The following MAN2B2 variants were observed in gnomAD, a reference collection of about 807,000 sequenced individuals.
The protein encoded by MAN2B2 is epididymis-specific alpha-mannosidase.
Under a neutral mutation model 117.1 loss-of-function variants are expected in MAN2B2, and 106 were observed. That is an observed-to-expected ratio of 0.90 (90% CI 0.77 to 1.06). MAN2B2 has a LOEUF of 1.06. Ranked by LOEUF, MAN2B2 falls within the 50% of genes least tolerant of loss-of-function variation. The probability of loss-of-function intolerance (pLI) is 0.00; values close to 1 mark genes in which losing one functional copy is unlikely to be tolerated. For synonymous variants in MAN2B2, 544 were observed against 595.1 expected, an observed-to-expected ratio of 0.91 and a Z score of 1.25; for missense variants, 1,326 against 1,381.4, an observed-to-expected ratio of 0.96 and a Z score of 0.64.
At position 6,594,669 on chromosome 4, in the gene MAN2B2, C is replaced by T. The variant is rs1727002262; in HGVS notation, c.994C>T (p.Leu332=). 1.2e-6 allele frequency: 2 copies of T among 1,613,414 alleles called. No homozygotes were observed. The highest frequency in any genetic ancestry group is 2.7e-5 in the African/African-American group (2 of 75,058). The change falls in exon 7 of 19, where the codon CTG becomes TTG. Residue 332 remains leucine (L), a synonymous_variant. Transcript: ENST00000285599. ...YATLGDYFRA[L]HALNVTWRVR... is the part of the protein sequence containing the mutation. ...CACGCTGGGCGACTACTTCCGTGCC[C>T]TGCACGCTCTCAATGTCACCTGGCG...
chr4:6,603,078 G>A (rs191449575), intron 10 of MAN2B2, among the ~76,000 whole-genome samples: 1 of 152,064 alleles, frequency 6.6e-6, no homozygotes, highest in Non-Finnish European at 1.5e-5. Context: ...GGGAATATTT[G>A]TGATCTAATA....
At chr4:6,601,502 A>G (rs1421020096) in intron 10 of MAN2B2, among the ~76,000 whole-genome samples, 1 of 147,256 alleles carries the variant, frequency 6.8e-6, no homozygotes, top group African/African-American at 2.5e-5. Context: ...CTCCATCTCA[A>G]AAAAAAAAAA....
intron 3 of MAN2B2, among the ~76,000 whole-genome samples, chr4:6,580,894 C>T (rs1374100438): frequency 1.3e-5 from 2 of 152,176 alleles, no homozygotes; most frequent in African/African-American, 4.8e-5. Context: ...GACCTGGCAA[C>T]TGGAAGCCTC....
At chr4:6,616,682 G>A (rs1711889766) in intron 16 of MAN2B2, among the ~76,000 whole-genome samples, 1 of 152,194 alleles carries the variant, frequency 6.6e-6, no homozygotes, top group Non-Finnish European at 1.5e-5. Flanking sequence ...GGGTAGGAGA[G>A]ACTGGAGTAT....
chr4:6,592,966 G>T (rs920927444), intron 5 of MAN2B2, among the ~76,000 whole-genome samples: 1 of 152,228 alleles, frequency 6.6e-6, no homozygotes, highest in African/African-American at 2.4e-5. Context: ...GGGGTCCTGA[G>T]ACCCGGGGTC....
chr4:6,616,777 G>A (rs779079582), intron 16 of MAN2B2, among the ~76,000 whole-genome samples: 8 of 152,104 alleles, frequency 5.3e-5, no homozygotes, highest in Non-Finnish European at 4.4e-5. Context: ...CCTTACAGTC[G>A]GCCAGACCTG....
intron 4 of MAN2B2, 90 bp from the exon 5 acceptor site, chr4:6,588,955 C>T (rs1166218238): frequency 2.3e-6 from 2 of 881,452 alleles, no homozygotes; most frequent in African/African-American, 1.6e-5. Flanking sequence ...AAGGTGAGGG[C>T]AGGCGGGAGA....
chr4:6,621,237 C>T lies in MAN2B2; in HGVS notation c.2982C>T (p.Val994=), dbSNP rs774426537. The change falls in exon 19 of 19, where the codon GTC becomes GTT. Residue 994 remains valine (V), a synonymous_variant. Transcript: ENST00000285599. ...CACCAGGAGGCCCCATCATCACCGTCCACCCAAAGGAAATCCGGACGTTCT... is the reference window on the plus strand; with the variant it reads ...CACCAGGAGGCCCCATCATCACCGTTCACCCAAAGGAAATCCGGACGTTCT... ...SRPPGGPIIT[V]HPKEIRTFFI... The T allele has an allele frequency of 6.2e-7, 1 of 1,614,140 alleles. No individual in the cohort carries two copies. Among genetic ancestry groups the T allele is most frequent in the Non-Finnish European group, 8.5e-7 (1 of 1,180,004 alleles).
chr4:6,589,616 G>A (rs886318680), intron 5 of MAN2B2, among the ~76,000 whole-genome samples: 1 of 152,154 alleles, frequency 6.6e-6, no homozygotes, highest in Non-Finnish European at 1.5e-5. Context: ...AGAGTGGGTG[G>A]GGTTATCAAC....
In MAN2B2 at chr4:6,621,585, G is replaced by C. The variant is rs566366875; in HGVS notation, c.*300G>C. 5 of 285,554 alleles carry C rather than the reference G, an allele frequency of 1.8e-5. No homozygotes were observed. Among genetic ancestry groups the C allele is most frequent in the African/African-American group, 1.1e-4 (5 of 45,826 alleles). 17.7% of individuals were successfully genotyped at this position (285,554 alleles called of 1,614,324 possible). The stretch of plus-strand genomic sequence containing the variant: ...ATTCATTCACAAAACACAAACCCAG[G>C]ACTTTCTGCCTAAGGCAGAGCACAA... On this transcript the variant is annotated 3_prime_UTR_variant, in exon 19 of 19. Coordinates refer to ENST00000285599, the MANE Select transcript of MAN2B2 (RefSeq NM_015274.3).
chr4:6,621,462 A>G lies in MAN2B2; in HGVS notation c.*177A>G. On this transcript the variant is annotated 3_prime_UTR_variant, in exon 19 of 19. Transcript: ENST00000285599. The stretch of plus-strand genomic sequence containing the variant: ...TTTTTCCCTAATTTTTTTAAACAAA[A>G]ATTACATTACAAGATCCAGGTTCTT... 1.8e-6 allele frequency: 1 copy of G among 570,098 alleles called. No homozygotes were observed. Among genetic ancestry groups the G allele is most frequent in the Non-Finnish European group, 3.1e-6 (1 of 322,424 alleles). The allele number at this position is 570,098 out of a possible 1,614,324, so 35.3% of individuals were successfully genotyped here. A position where few individuals can be genotyped will look rare whatever the true frequency, so the allele number is the denominator to read the frequency against.
rs1712192447 is a variant in MAN2B2, at chr4:6,621,869, G to C, written c.*584G>C. 6.6e-6 allele frequency: 1 copy of C among 152,554 alleles called. No homozygotes were observed. The highest frequency in any genetic ancestry group is 1.5e-5 in the Non-Finnish European group (1 of 68,282). 9.5% of individuals were successfully genotyped at this position (152,554 alleles called of 1,614,324 possible). On this transcript the variant is annotated 3_prime_UTR_variant, in exon 19 of 19. Coordinates refer to ENST00000285599, the MANE Select transcript of MAN2B2 (RefSeq NM_015274.3). ...CAGAGAAGGCACAGCAGCCGTCAGA[G>C]TCCATGAGAGGTGAAACCACACAGC... is the stretch of plus-strand genomic sequence containing the variant.
At chr4:6,608,943 G>A (rs1293475401) in intron 11 of MAN2B2, among the ~76,000 whole-genome samples, 164 bp from the exon 12 acceptor site, 1 of 152,178 alleles carries the variant, frequency 6.6e-6, no homozygotes, top group Non-Finnish European at 1.5e-5. Flanking sequence ...AGGCCACACT[G>A]GCTGTGGGTG....
chr4:6,590,476 C>T (rs963270934), intron 5 of MAN2B2, among the ~76,000 whole-genome samples: 21 of 152,194 alleles, frequency 1.4e-4, no homozygotes, highest in African/African-American at 4.3e-4. Context: ...CTTCTGCTCT[C>T]GCCTCGCCTG....
At chr4:6,611,338 C>G in intron 15 of MAN2B2, 60 bp downstream of exon 15, 1 of 1,508,874 alleles carries the variant, frequency 6.6e-7, no homozygotes, top group East Asian at 2.3e-5. Flanking sequence ...CAGGCCAGGG[C>G]GGGCCTTGGG....
rs943360225 is a variant in MAN2B2 at position 6,581,653 on chromosome 4, G to A, written c.391+3155G>A. Among the ~76,000 whole-genome samples the A allele has an allele frequency of 6.6e-5, 10 of 151,554 alleles. No individual in the cohort carries two copies. In the East Asian group the frequency reaches 1.8e-3, roughly 27 times the overall value. ...CTCACCTTGGTGGAGCCCCTGCCTC[G>A]AGGCAGGCCCTGGACAGCAAAGGAA... On this transcript the variant is annotated intron_variant, in intron 3 of 18. Coordinates refer to ENST00000285599, the MANE Select transcript of MAN2B2 (RefSeq NM_015274.3).
intron 12 of MAN2B2, 42 bp from the exon 13 acceptor site, chr4:6,609,756 G>A (rs773707432): frequency 4.3e-6 from 6 of 1,395,630 alleles, no homozygotes; most frequent in Non-Finnish European, 4.8e-6. Context: ...GCATCTAGAA[G>A]GTTCCTGGAG....
intron 3 of MAN2B2, among the ~76,000 whole-genome samples, chr4:6,579,364 C>A (rs1577270377): frequency 1.0e-5 from 1 of 98,170 alleles, no homozygotes; most frequent in Non-Finnish European, 2.3e-5. Context: ...ACCACCATCA[C>A]CATCACCACC....
intron 11 of MAN2B2, among the ~76,000 whole-genome samples, chr4:6,606,341 A>G (rs1727544858): frequency 6.6e-6 from 1 of 152,200 alleles, no homozygotes; most frequent in African/African-American, 2.4e-5. Flanking sequence ...AAAGTGGGGC[A>G]GGTGCAGGGG....
Sources: allele counts gnomAD v4.1 joint callset (sites outside exome capture counted in the v4.1 genomes callset), GRCh38; gene constraint gnomAD v4.1.1; transcripts MANE v1.5; gene names NCBI Gene and HGNC (gene_info 2026-07-23, HGNC 2026-07-21).